Variants in MBTD1 observed in about 807,000 individuals in gnomAD.
MBTD1 encodes mbt domain containing 1, also known as MBT domain-containing protein 1.
MBTD1 carries 24 observed loss-of-function variants against 87.8 expected under a neutral mutation model. The ratio of observed to expected loss-of-function variants is 0.27; its 90% CI spans 0.20 to 0.38. MBTD1 has a LOEUF of 0.38. Among genes scored for constraint, MBTD1 ranks in the 10% least tolerant of loss-of-function variants. The probability of loss-of-function intolerance (pLI) is 1.00; values close to 1 mark genes in which losing one functional copy is unlikely to be tolerated. For missense variants in MBTD1, 436 were observed against 760.2 expected (o/e 0.57, Z 5.02); for synonymous variants, 237 against 248.6 (o/e 0.95, Z 0.44).
intron 12 of MBTD1, among the ~76,000 whole-genome samples, chr17:51,199,892 T>C (rs751614397): frequency 1.3e-4 from 20 of 151,836 alleles, no homozygotes; most frequent in Non-Finnish European, 2.5e-4. Context: ...TGGCACCATC[T>C]TGGCTCACTG....
In MBTD1 at chr17:51,213,923, GA is replaced by G. The variant is rs75278328; in HGVS notation, c.486+3410del. On this transcript the variant is annotated intron_variant, in intron 6 of 16. Coordinates refer to ENST00000586178, the MANE Select transcript of MBTD1 (RefSeq NM_017643.3). ...GCCAATGTATGGCAAGTAAAGAAAA[GA>G]AAAAAAAAAAGGGCAATTATGATGC... 2.5e-3 allele frequency among the ~76,000 whole-genome samples: 322 copies of G among 126,644 alleles called. 3 individuals are homozygous for G. Among genetic ancestry groups the G allele is most frequent in the African/African-American group, 7.1e-3 (248 of 35,138 alleles). 83.1% of individuals were successfully genotyped at this position (126,644 alleles called of 152,430 possible).
At chr17:51,197,069 T>C (rs368117021) in intron 12 of MBTD1, among the ~76,000 whole-genome samples, 1 of 2,694 alleles carries the variant, frequency 3.7e-4, no homozygotes, top group Non-Finnish European at 6.9e-4. Context: ...TATATATATA[T>C]ATATATATAT....
Position 51,188,190 on chromosome 17 carries a change from T to C in MBTD1, c.1768+4013A>G, listed in dbSNP as rs2050634668. 2.0e-5 allele frequency among the ~76,000 whole-genome samples: 3 copies of C among 152,096 alleles called. No homozygotes were observed. The South Asian group carries it at 6.2e-4, about 32-fold the overall frequency. On this transcript the variant is annotated intron_variant, in intron 16 of 16. Transcript: ENST00000586178. ...TACTACTTACAGTAGTCCCTGAAAA[T>C]GGTGAGATTTAAAGCAGAAATCAGT...
At chr17:51,255,594 T>A (rs1171742930) in intron 2 of MBTD1, among the ~76,000 whole-genome samples, 1 of 151,138 alleles carries the variant, frequency 6.6e-6, no homozygotes. Flanking sequence ...TAACCTTTTT[T>A]TTTTCCTTTT....
At chr17:51,260,737 G>C (rs751779835), upstream of MBTD1, 3 of 1,589,728 alleles carry the variant, frequency 1.9e-6, no homozygotes, top group South Asian at 1.1e-5. Flanking sequence ...GGAAACCGCC[G>C]GCCCGGCCGA....
intron 16 of MBTD1, among the ~76,000 whole-genome samples, chr17:51,188,176 G>A (rs1462728329): frequency 6.6e-6 from 1 of 152,212 alleles, no homozygotes; most frequent in East Asian, 1.9e-4. Context: ...ACTACTTACA[G>A]TAGTCCCTGA....
chr17:51,201,465 C>T, intron 12 of MBTD1, 127 bp downstream of exon 12: 1 of 515,146 alleles, frequency 1.9e-6, no homozygotes, highest in East Asian at 3.2e-5. Context: ...TCCTAGCAAC[C>T]TTCTCCCCAG....
At chr17:51,233,060 CAAAAAAAAAAAAAA>C (rs11457634) in intron 2 of MBTD1, among the ~76,000 whole-genome samples, 1 of 40,494 alleles carries the variant, frequency 2.5e-5, no homozygotes, top group African/African-American at 9.8e-5. Context: ...CTTCCCTCAC[CAAAAAAAAAAAAAA>C]AAAAAAAAAA....
At chr17:51,181,003 A>C (rs1186536345) in intron 16 of MBTD1, among the ~76,000 whole-genome samples, 3 of 148,506 alleles carry the variant, frequency 2.0e-5, no homozygotes, top group Non-Finnish European at 4.5e-5. Flanking sequence ...TAGTTCTTTC[A>C]TGGTTCTGAA....
intron 6 of MBTD1, among the ~76,000 whole-genome samples, chr17:51,215,102 T>C (rs1317963938): frequency 1.3e-5 from 2 of 152,152 alleles, no homozygotes; most frequent in East Asian, 3.8e-4. Context: ...TCCTGTTTGA[T>C]AAGAAGGCAG....
chr17:51,209,635 T>C (rs1281861438), intron 6 of MBTD1, among the ~76,000 whole-genome samples: 1 of 152,242 alleles, frequency 6.6e-6, no homozygotes, highest in Non-Finnish European at 1.5e-5. Context: ...GTTGATGCAC[T>C]GCACACACGA....
chr17:51,201,881 G>A, intron 11 of MBTD1, 141 bp downstream of exon 11: 1 of 705,654 alleles, frequency 1.4e-6, no homozygotes, highest in Non-Finnish European at 2.4e-6. Flanking sequence ...ATAATAAAGA[G>A]TTGTGACACC....
chr17:51,179,502 A>ATATATTTATATT lies in MBTD1; in HGVS notation c.*1073_*1074insAATATAAATATA, dbSNP rs1555673760. On this transcript the variant is annotated 3_prime_UTR_variant, in exon 17 of 17. Transcript: ENST00000586178. ...GACAATTTTATATATATATATATAT[A>ATATATTTATATT]TATATATATATATATATATATATAT... The ATATATTTATATT allele has an allele frequency of 9.7e-4, 66 of 68,088 alleles. 2 individuals carry two copies. In the East Asian group the frequency reaches 0.011, roughly 12 times the overall value. 4.2% of individuals were successfully genotyped at this position (68,088 alleles called of 1,614,324 possible). A position where few individuals can be genotyped will look rare whatever the true frequency, so the allele number is the denominator to read the frequency against.
intron 13 of MBTD1, among the ~76,000 whole-genome samples, chr17:51,194,022 T>G (rs1406742769): frequency 6.6e-6 from 1 of 152,230 alleles, no homozygotes; most frequent in Non-Finnish European, 1.5e-5. Flanking sequence ...AACGCAAAAG[T>G]GGCTCTCTTT....
At chr17:51,196,054 C>A (rs1165338787) in intron 12 of MBTD1, among the ~76,000 whole-genome samples, 2 of 152,048 alleles carry the variant, frequency 1.3e-5, no homozygotes, top group African/African-American at 4.8e-5. Flanking sequence ...ACTACAGGTG[C>A]ATGCCATCAC....
At chr17:51,213,496 C>A (rs1329789509) in intron 6 of MBTD1, among the ~76,000 whole-genome samples, 2 of 151,186 alleles carry the variant, frequency 1.3e-5, no homozygotes, top group South Asian at 4.2e-4. Flanking sequence ...ATTTTTCCAC[C>A]ATTAGGATAG....
At chr17:51,213,941 T>A (rs9910086) in intron 6 of MBTD1, among the ~76,000 whole-genome samples, 17,928 of 151,514 alleles carry the variant, frequency 0.12, 1,786 homozygotes, top group African/African-American at 0.27. Flanking sequence ...AAAAGGGCAA[T>A]TATGATGCTT....
At position 51,207,634 on chromosome 17, in the gene MBTD1, A is replaced by G. The variant is rs2051925594; in HGVS notation, c.487-629T>C. 2.0e-5 allele frequency among the ~76,000 whole-genome samples: 3 copies of G among 152,204 alleles called. No individual in the cohort carries two copies. In the South Asian group the frequency reaches 6.2e-4, roughly 32 times the overall value. The stretch of plus-strand genomic sequence containing the variant: ...TTCTCATGTAGAAATTACTATAAAG[A>G]GAAAACTTCCAATGTTAGAACCGGT... On this transcript the variant is annotated intron_variant, in intron 6 of 16. Coordinates refer to ENST00000586178, the MANE Select transcript of MBTD1 (RefSeq NM_017643.3).
intron 2 of MBTD1, among the ~76,000 whole-genome samples, chr17:51,226,583 A>C (rs532721296): frequency 1.3e-5 from 2 of 152,134 alleles, no homozygotes; most frequent in African/African-American, 4.8e-5. Context: ...TTCATCTCTA[A>C]AACTAAACTT....
Sources: gnomAD v4.1 joint callset for allele counts (sites outside exome capture counted in the v4.1 genomes callset) on GRCh38, gnomAD v4.1.1 for gene constraint, MANE v1.5 for transcripts, NCBI Gene and HGNC (gene_info 2026-07-23, HGNC 2026-07-21) for gene names.